MAD1L1: variants seen among roughly 807,000 people sequenced by gnomAD.
The protein encoded by MAD1L1 is mitotic arrest deficient 1 like 1.
MAD1L1 carries 95 observed loss-of-function variants against 96.9 expected under a neutral mutation model. That is an observed-to-expected ratio of 0.98 (90% CI 0.83 to 1.16). The LOEUF (loss-of-function observed/expected upper bound fraction) is 1.16. Among genes scored for constraint, MAD1L1 ranks in the 50% most tolerant of loss-of-function variants. MAD1L1 has a pLI of 0.00. For missense variants in MAD1L1, 1,007 were observed against 954.4 expected (o/e 1.06, Z -0.73); for synonymous variants, 473 against 396.6 (o/e 1.19, Z -2.29).
chr7:2,053,584 A>AGCAGAGGAGGCT (rs1435390053), intron 12 of MAD1L1, among the ~76,000 whole-genome samples: 1 of 152,196 alleles, frequency 6.6e-6, no homozygotes, highest in Non-Finnish European at 1.5e-5. Context: ...GCAACGGGGA[A>AGCAGAGGAGGCT]GCAGAGGAGG....
At chr7:2,160,228 T>G (rs1790035617) in intron 10 of MAD1L1, among the ~76,000 whole-genome samples, 1 of 146,228 alleles carries the variant, frequency 6.8e-6, no homozygotes, top group African/African-American at 2.5e-5. Context: ...AATGATACCC[T>G]GTCTCAAAAA....
chr7:2,037,179 T>G (rs1584147417), intron 12 of MAD1L1, among the ~76,000 whole-genome samples: 1 of 150,656 alleles, frequency 6.6e-6, no homozygotes, highest in Non-Finnish European at 1.5e-5. Flanking sequence ...AAATTTCGGC[T>G]CCTTCTTTGT....
chr7:1,871,779 C>A (rs1440545012), intron 18 of MAD1L1, among the ~76,000 whole-genome samples: 4 of 152,232 alleles, frequency 2.6e-5, no homozygotes, highest in African/African-American at 9.6e-5. Flanking sequence ...ACGCCTGCCA[C>A]TCTGAACTCC....
intron 12 of MAD1L1, among the ~76,000 whole-genome samples, chr7:2,062,292 C>T (rs1041675651): frequency 1.3e-5 from 2 of 148,446 alleles, no homozygotes; most frequent in South Asian, 2.1e-4. Flanking sequence ...AATTGAAGGC[C>T]GGACACAGTG....
intron 12 of MAD1L1, among the ~76,000 whole-genome samples, chr7:2,042,028 C>A (rs1783697600): frequency 6.6e-6 from 1 of 152,142 alleles, no homozygotes; most frequent in Admixed American, 6.6e-5. Flanking sequence ...CTTAGACACA[C>A]ACACGCACAC....
chr7:2,054,513 G>C (rs964934766), intron 12 of MAD1L1, among the ~76,000 whole-genome samples: 1 of 152,202 alleles, frequency 6.6e-6, no homozygotes, highest in African/African-American at 2.4e-5. Flanking sequence ...TCTGTGACAA[G>C]GTTGGCTTTC....
intron 16 of MAD1L1, among the ~76,000 whole-genome samples, chr7:1,942,765 G>A (rs1033580447): frequency 3.3e-5 from 5 of 152,192 alleles, no homozygotes; most frequent in African/African-American, 1.2e-4. Flanking sequence ...CGGCCTCCCT[G>A]AAGAACTGAT....
intron 10 of MAD1L1, among the ~76,000 whole-genome samples, chr7:2,160,132 G>A (rs1380039943): frequency 6.6e-6 from 1 of 151,840 alleles, no homozygotes; most frequent in Non-Finnish European, 1.5e-5. Context: ...TCAGGATGCT[G>A]AGGCGGGAGG....
chr7:2,031,489 C>T (rs1783224153), intron 12 of MAD1L1, among the ~76,000 whole-genome samples: 2 of 152,264 alleles, frequency 1.3e-5, no homozygotes, highest in African/African-American at 2.4e-5. Flanking sequence ...ATTTTACTTA[C>T]ATTTCACACT....
At position 1,922,333 on chromosome 7, in the gene MAD1L1, G is replaced by A. The variant is rs574249284; in HGVS notation, c.1807+14354C>T. 2.0e-5 allele frequency among the ~76,000 whole-genome samples: 3 copies of A among 152,390 alleles called. No homozygotes were observed. The South Asian group carries it at 6.2e-4, about 32-fold the overall frequency. On this transcript the variant is annotated intron_variant, in intron 17 of 18. Transcript: ENST00000265854. ...GCCTCAGCAGCTTGCCGTTGTCGGC[G>A]TGCTGTGGTGTTAGTGATGCCTGCA...
At chr7:2,065,580 G>A (rs972496406) in intron 12 of MAD1L1, among the ~76,000 whole-genome samples, 6 of 152,180 alleles carry the variant, frequency 3.9e-5, no homozygotes, top group Admixed American at 3.3e-4. Context: ...CATTCAGCCA[G>A]CCCAGACCCA....
intron 18 of MAD1L1, among the ~76,000 whole-genome samples, chr7:1,821,566 C>T (rs1412037508): frequency 6.6e-6 from 1 of 152,072 alleles, no homozygotes; most frequent in African/African-American, 2.4e-5. Context: ...CAGCAACACA[C>T]GAAAAAGAGT....
chr7:1,920,671 T>C (rs1562525506), intron 17 of MAD1L1, among the ~76,000 whole-genome samples: 1 of 152,198 alleles, frequency 6.6e-6, no homozygotes, highest in Non-Finnish European at 1.5e-5. Context: ...CAGCCACATG[T>C]GCTGTCTACT....
At chr7:2,229,854 C>T in intron 3 of MAD1L1, 130 bp downstream of exon 3, 1 of 1,017,514 alleles carries the variant, frequency 9.8e-7, no homozygotes, top group Non-Finnish European at 1.4e-6. Flanking sequence ...ATAGTGAGAC[C>T]TGGGAGACGA....
At chr7:2,199,418 G>A (rs1230242389) in intron 10 of MAD1L1, among the ~76,000 whole-genome samples, 4 of 152,204 alleles carry the variant, frequency 2.6e-5, no homozygotes, top group Non-Finnish European at 4.4e-5. Context: ...CCTGCCTGCC[G>A]TCATGAAGGG....
chr7:1,887,622 T>C (rs932818704), intron 18 of MAD1L1, among the ~76,000 whole-genome samples: 1 of 150,068 alleles, frequency 6.7e-6, no homozygotes, highest in Non-Finnish European at 1.5e-5. Flanking sequence ...TGCCTGTGCA[T>C]GGGCATGTGT....
intron 10 of MAD1L1, among the ~76,000 whole-genome samples, chr7:2,196,377 T>A (rs1000491318): frequency 6.6e-6 from 1 of 152,244 alleles, no homozygotes; most frequent in Non-Finnish European, 1.5e-5. Flanking sequence ...AGGGAAAACG[T>A]CTGGCCTTCA....
At chr7:2,087,495 G>A (rs906656428) in intron 11 of MAD1L1, among the ~76,000 whole-genome samples, 2 of 152,132 alleles carry the variant, frequency 1.3e-5, no homozygotes, top group Admixed American at 6.5e-5. Flanking sequence ...AGCCGAGATC[G>A]CACCACTGCA....
At chr7:2,075,891 C>T (rs1229340103) in intron 11 of MAD1L1, among the ~76,000 whole-genome samples, 3 of 152,230 alleles carry the variant, frequency 2.0e-5, no homozygotes, top group Admixed American at 6.5e-5. Context: ...TGTGAGCACC[C>T]GCCAAGGCAA....
Sources: allele counts gnomAD v4.1 joint callset (sites outside exome capture counted in the v4.1 genomes callset), GRCh38; gene constraint gnomAD v4.1.1; transcripts MANE v1.5; gene names NCBI Gene and HGNC (gene_info 2026-07-23, HGNC 2026-07-21).